The following RPS6KC1 variants were observed in gnomAD, a reference collection of about 807,000 sequenced individuals.
RPS6KC1 encodes the protein inactive ribosomal protein S6 kinase delta-1.
RPS6KC1 carries 54 observed loss-of-function variants against 103.8 expected under a neutral mutation model. That is an observed-to-expected ratio of 0.52 (90% CI 0.42 to 0.65). RPS6KC1 has a LOEUF of 0.65. RPS6KC1 is among the 30% of genes least tolerant of loss of function. The pLI, the probability that RPS6KC1 is intolerant of heterozygous loss-of-function variation, is 0.00. For missense variants in RPS6KC1, 1,151 were observed against 1,253.8 expected (o/e 0.92, Z 1.24); for synonymous variants, 439 against 438.7 (o/e 1.00, Z -0.01).
At chr1:213,806,262 G>A in the RPS6KC1 span, among the ~76,000 whole-genome samples, 3 of 152,152 alleles carry the variant, frequency 2.0e-5, no homozygotes. Flanking sequence ...AACCTGGGAG[G>A]CAGAGCTTGC....
At chr1:213,066,420 G>A (rs1422068758) in intron 1 of RPS6KC1, among the ~76,000 whole-genome samples, 1 of 152,210 alleles carries the variant, frequency 6.6e-6, no homozygotes, top group Non-Finnish European at 1.5e-5. Flanking sequence ...CTCCTTCACT[G>A]TGAAGTATTT....
At position 213,230,439 on chromosome 1, in the gene RPS6KC1, C is replaced by T. The variant is rs368492154; in HGVS notation, c.1045-58C>T. ...CCTACTCTTAAAGTTTAGTTTAAAGCTAAGAGTTAATGTTTCATTGTATTG... is the reference window on the plus strand; with the variant it reads ...CCTACTCTTAAAGTTTAGTTTAAAGTTAAGAGTTAATGTTTCATTGTATTG... On this transcript the variant is annotated intron_variant, in intron 8 of 14. Transcript: ENST00000366960. 81 of 1,276,776 alleles carry T rather than the reference C, an allele frequency of 6.3e-5. No individual in the cohort carries two copies. The East Asian group carries it at 9.9e-4, about 16-fold the overall frequency. The allele number at this position is 1,276,776 out of a possible 1,614,324, so 79.1% of individuals were successfully genotyped here.
At chr1:213,080,552 A>G (rs920099734) in intron 3 of RPS6KC1, among the ~76,000 whole-genome samples, 2 of 152,182 alleles carry the variant, frequency 1.3e-5, no homozygotes, top group African/African-American at 4.8e-5. Context: ...TCTCAAAGCT[A>G]GAATGTAATA....
intron 3 of RPS6KC1, among the ~76,000 whole-genome samples, chr1:213,099,864 C>T (rs916001502): frequency 6.6e-6 from 1 of 152,188 alleles, no homozygotes; most frequent in African/African-American, 2.4e-5. Flanking sequence ...GTACCACAGT[C>T]TGTTTATCCA....
chr1:213,672,644 C>G, the RPS6KC1 span, among the ~76,000 whole-genome samples: 8 of 152,156 alleles, frequency 5.3e-5, no homozygotes, highest in Non-Finnish European at 1.0e-4. Flanking sequence ...TTACTCTACA[C>G]TCTTTTATCA....
chr1:213,651,693 G>A, the RPS6KC1 span, among the ~76,000 whole-genome samples: 1 of 152,294 alleles, frequency 6.6e-6, no homozygotes, highest in South Asian at 2.1e-4. Context: ...GGCCTACCCA[G>A]CCTGACTCCA....
the RPS6KC1 span, among the ~76,000 whole-genome samples, chr1:213,801,994 GGT>G: frequency 6.6e-6 from 1 of 152,144 alleles, no homozygotes; most frequent in African/African-American, 2.4e-5. Flanking sequence ...AAAAGGACAA[GGT>G]GTGTGCTATT....
the RPS6KC1 span, among the ~76,000 whole-genome samples, chr1:213,384,974 G>GC: frequency 6.6e-6 from 1 of 152,166 alleles, no homozygotes; most frequent in South Asian, 2.1e-4. Context: ...ATGTTTTACT[G>GC]CCTGGGGGGC....
chr1:213,626,615 G>C, the RPS6KC1 span, among the ~76,000 whole-genome samples: 1 of 152,208 alleles, frequency 6.6e-6, no homozygotes, highest in Non-Finnish European at 1.5e-5. Context: ...AAGGTGTGAG[G>C]AAGGGATCCA....
chr1:213,774,786 A>C, the RPS6KC1 span, among the ~76,000 whole-genome samples: 1 of 152,202 alleles, frequency 6.6e-6, no homozygotes, highest in African/African-American at 2.4e-5. Flanking sequence ...ACCTGTCCCA[A>C]TGTTACTAGA....
chr1:213,386,368 T>C, the RPS6KC1 span, among the ~76,000 whole-genome samples: 1 of 152,184 alleles, frequency 6.6e-6, no homozygotes, highest in African/African-American at 2.4e-5. Context: ...GGCAAACAAA[T>C]GGACAAAGAC....
chr1:213,758,354 G>T, the RPS6KC1 span, among the ~76,000 whole-genome samples: 1 of 152,144 alleles, frequency 6.6e-6, no homozygotes, highest in African/African-American at 2.4e-5. Context: ...GAGAAGGGAA[G>T]ATCACCTGAG....
At chr1:213,085,086 G>A (rs2080258845) in intron 3 of RPS6KC1, among the ~76,000 whole-genome samples, 1 of 152,190 alleles carries the variant, frequency 6.6e-6, no homozygotes, top group African/African-American at 2.4e-5. Flanking sequence ...TCTGAAATTG[G>A]TATCACTGGG....
At chr1:213,638,027 C>T in the RPS6KC1 span, among the ~76,000 whole-genome samples, 1 of 151,908 alleles carries the variant, frequency 6.6e-6, no homozygotes, top group Non-Finnish European at 1.5e-5. Flanking sequence ...CTGTATTGCC[C>T]AGGCTGGTCT....
chr1:213,158,847 T>G (rs2090183220), intron 6 of RPS6KC1, among the ~76,000 whole-genome samples: 1 of 152,172 alleles, frequency 6.6e-6, no homozygotes, highest in Non-Finnish European at 1.5e-5. Flanking sequence ...AGTTCTTCCT[T>G]AATCTTAGAT....
Position 213,242,001 on chromosome 1 carries a change from A to T in RPS6KC1, c.2525A>T (p.Glu842Val), listed in dbSNP as rs1389063352. 8.1e-6 allele frequency: 13 copies of T among 1,613,772 alleles called. No homozygotes were observed. Among genetic ancestry groups the T allele is most frequent in the Non-Finnish European group, 1.0e-5 (12 of 1,179,852 alleles). The change falls in exon 11 of 15, where the codon GAA becomes GTA. Residue 842 changes from glutamate (E) to valine (V), a missense_variant. Glu to Val is a moderately radical substitution (Grantham distance 121). This residue lies in a region of RPS6KC1 where 959 missense variants were observed against 1,006.3 expected (regional missense o/e 0.95). Transcript: ENST00000366960. ...IASTDTLKTEEVLLFTDQTDD... is the reference protein window; with the variant it reads ...IASTDTLKTEVVLLFTDQTDD... ...AGCACAGACACTTTAAAAACAGAAG[A>T]AGTATTGCTGTTTACAGATCAGACT...
chr1:213,542,054 G>A, the RPS6KC1 span, among the ~76,000 whole-genome samples: 2 of 152,112 alleles, frequency 1.3e-5, no homozygotes, highest in African/African-American at 2.4e-5. Flanking sequence ...AGGGAGACAC[G>A]ATTTAATACA....
the RPS6KC1 span, among the ~76,000 whole-genome samples, chr1:213,283,303 G>T: frequency 1.3e-5 from 2 of 152,164 alleles, no homozygotes; most frequent in African/African-American, 4.8e-5. Flanking sequence ...AAAGATGGCG[G>T]TAGCATACTG....
chr1:213,758,387 G>A, the RPS6KC1 span, among the ~76,000 whole-genome samples: 3 of 152,178 alleles, frequency 2.0e-5, no homozygotes, highest in South Asian at 6.2e-4. Context: ...AGACCAGCCT[G>A]GACAACATGG....
Sources: allele counts gnomAD v4.1 joint callset (sites outside exome capture counted in the v4.1 genomes callset), GRCh38; gene constraint gnomAD v4.1.1; regional missense constraint gnomAD v4.1.1; transcripts MANE v1.5; gene names NCBI Gene and HGNC (gene_info 2026-07-23, HGNC 2026-07-21).